Variants in ZBTB16 observed in about 807,000 individuals in gnomAD.
ZBTB16 encodes the protein zinc finger and BTB domain-containing protein 16.
In ZBTB16, 8 loss-of-function variants were observed where a neutral mutation model predicts 56.8. The observed-to-expected ratio is 0.14, with a 90% confidence interval of 0.08 to 0.25. The LOEUF is 0.25. ZBTB16 is among the 10% of genes least tolerant of loss of function. The probability of loss-of-function intolerance (pLI) is 1.00; values close to 1 mark genes in which losing one functional copy is unlikely to be tolerated. For missense variants in ZBTB16, 625 were observed against 903.0 expected, an observed-to-expected ratio of 0.69 and a Z score of 3.95; for synonymous variants, 363 against 368.5, an observed-to-expected ratio of 0.98 and a Z score of 0.17.
chr11:114,247,369 C>T lies in ZBTB16; in HGVS notation c.1792+4C>T, dbSNP rs745319352. On this transcript the variant is annotated splice_donor_region_variant and intron_variant, in intron 6 of 6. Coordinates refer to ENST00000335953, the MANE Select transcript of ZBTB16 (RefSeq NM_006006.6). ...ACGCACTATAGGGTGCACACAGGTA[C>T]CGAAGGCCAGGGAGGGGCCTGAGCT... The T allele has an allele frequency of 6.2e-7, 1 of 1,614,172 alleles. No homozygotes were observed. Among genetic ancestry groups the T allele is most frequent in the South Asian group, 1.1e-5 (1 of 91,084 alleles).
chr11:114,176,643 G>T (rs185646412), intron 3 of ZBTB16, among the ~76,000 whole-genome samples: 1 of 152,292 alleles, frequency 6.6e-6, no homozygotes, highest in East Asian at 1.9e-4. Flanking sequence ...GTACGGCCAC[G>T]TTTAACTTTC....
chr11:114,095,555 C>T (rs746177984), intron 2 of ZBTB16, among the ~76,000 whole-genome samples: 8 of 152,124 alleles, frequency 5.3e-5, no homozygotes, highest in South Asian at 2.1e-4. Flanking sequence ...CCACCACGCC[C>T]GGCCACCAAT....
At chr11:114,229,683 T>G (rs1944399102) in intron 4 of ZBTB16, among the ~76,000 whole-genome samples, 1 of 152,194 alleles carries the variant, frequency 6.6e-6, no homozygotes, top group African/African-American at 2.4e-5. Flanking sequence ...AATTGGCTTT[T>G]CATTATTCCA....
At chr11:114,159,937 CGG>C (rs140105293) in intron 3 of ZBTB16, among the ~76,000 whole-genome samples, 1 of 93,840 alleles carries the variant, frequency 1.1e-5, no homozygotes, top group African/African-American at 6.6e-5. Context: ...GCGGGGGAGG[CGG>C]GGGGGAGGCG....
chr11:114,167,984 G>T (rs1206201416), intron 3 of ZBTB16, among the ~76,000 whole-genome samples: 1 of 152,184 alleles, frequency 6.6e-6, no homozygotes, highest in East Asian at 1.9e-4. Context: ...AGGACAAGAG[G>T]CCGCCCTCCA....
chr11:114,114,977 C>T (rs1282873313), intron 2 of ZBTB16, among the ~76,000 whole-genome samples: 1 of 152,184 alleles, frequency 6.6e-6, no homozygotes, highest in Non-Finnish European at 1.5e-5. Flanking sequence ...GCCACTGTGC[C>T]TGGCCCAGGT....
intron 2 of ZBTB16, among the ~76,000 whole-genome samples, chr11:114,112,792 C>T (rs1024599314): frequency 2.1e-5 from 3 of 144,250 alleles, no homozygotes; most frequent in Non-Finnish European, 3.0e-5. Flanking sequence ...GACAGGGTCT[C>T]GCACTATCAC....
At chr11:114,211,722 C>T (rs1046127599) in intron 4 of ZBTB16, among the ~76,000 whole-genome samples, 15 of 152,158 alleles carry the variant, frequency 9.9e-5, no homozygotes, top group Non-Finnish European at 2.1e-4. Context: ...TCCCCGTTTG[C>T]GTTCGCAGTG....
chr11:114,121,720 T>C (rs778788654), intron 2 of ZBTB16: 14 of 435,066 alleles, frequency 3.2e-5, no homozygotes, highest in Non-Finnish European at 6.5e-5. Context: ...ATCATGACTG[T>C]CTGATCCCAG....
At chr11:114,128,139 G>C (rs913499259) in intron 2 of ZBTB16, among the ~76,000 whole-genome samples, 3 of 152,190 alleles carry the variant, frequency 2.0e-5, no homozygotes, top group African/African-American at 7.2e-5. Flanking sequence ...AGTCTCGTCT[G>C]GTCCCTGGCT....
At chr11:114,180,701 C>T (rs1943227689) in intron 3 of ZBTB16, 1 of 152,268 alleles carries the variant, frequency 6.6e-6, no homozygotes, top group South Asian at 2.1e-4. Context: ...CCATTGCGCC[C>T]TTCCCAGGTG....
rs1319494965 is a variant in ZBTB16 at position 114,251,021 on chromosome 11, C to G, written c.*466C>G. Among the ~76,000 whole-genome samples, 1 of 152,122 alleles carries G rather than the reference C, an allele frequency of 6.6e-6. No homozygotes were observed. Among genetic ancestry groups the G allele is most frequent in the Non-Finnish European group, 1.5e-5 (1 of 68,028 alleles). On this transcript the variant is annotated 3_prime_UTR_variant, in exon 7 of 7. Coordinates refer to ENST00000335953, the MANE Select transcript of ZBTB16 (RefSeq NM_006006.6). Reference sequence around the variant, plus strand: ...GCGCTCCCCTGCTGATGGGTCTGGGCTGGGTCACTAGCTGCTCAAAATGGC... The same window carrying G: ...GCGCTCCCCTGCTGATGGGTCTGGGGTGGGTCACTAGCTGCTCAAAATGGC...
intron 4 of ZBTB16, among the ~76,000 whole-genome samples, chr11:114,221,806 T>C (rs934074834): frequency 1.3e-5 from 2 of 152,198 alleles, no homozygotes; most frequent in African/African-American, 4.8e-5. Flanking sequence ...AACAACAGTC[T>C]TCTCTTAAAA....
chr11:114,245,683 G>T (rs911736191), intron 5 of ZBTB16, among the ~76,000 whole-genome samples: 1 of 152,168 alleles, frequency 6.6e-6, no homozygotes, highest in African/African-American at 2.4e-5. Flanking sequence ...AGGCACGAGC[G>T]CAGTTTGACA....
intron 3 of ZBTB16, among the ~76,000 whole-genome samples, chr11:114,164,025 C>T (rs745534143): frequency 6.6e-6 from 1 of 152,174 alleles, no homozygotes; most frequent in Admixed American, 6.5e-5. Context: ...CTGTTCAGCG[C>T]TGTATCTTAT....
chr11:114,086,028 A>G (rs1296951990), intron 2 of ZBTB16, among the ~76,000 whole-genome samples: 4 of 152,064 alleles, frequency 2.6e-5, no homozygotes, highest in Non-Finnish European at 5.9e-5. Flanking sequence ...GTGGTGGTAA[A>G]GAGCCTTGCA....
intron 4 of ZBTB16, among the ~76,000 whole-genome samples, chr11:114,221,099 C>A (rs762095240): frequency 1.3e-5 from 2 of 152,236 alleles, no homozygotes; most frequent in African/African-American, 2.4e-5. Flanking sequence ...GCCCTACAGT[C>A]TCCATTCAAA....
chr11:114,124,219 A>C (rs1941425362), intron 2 of ZBTB16, among the ~76,000 whole-genome samples: 1 of 152,110 alleles, frequency 6.6e-6, no homozygotes, highest in Admixed American at 6.5e-5. Flanking sequence ...AACTTATGGA[A>C]GCAAACAGCC....
chr11:114,151,680 A>G (rs537802544), intron 2 of ZBTB16, among the ~76,000 whole-genome samples: 1 of 152,318 alleles, frequency 6.6e-6, no homozygotes, highest in South Asian at 2.1e-4. Flanking sequence ...CAGTGCTGGG[A>G]CATGAACCCC....
Sources: allele counts gnomAD v4.1 joint callset (sites outside exome capture counted in the v4.1 genomes callset), GRCh38; gene constraint gnomAD v4.1.1; transcripts MANE v1.5; gene names NCBI Gene and HGNC (gene_info 2026-07-23, HGNC 2026-07-21).